The following ERBB4 variants were observed in gnomAD, a reference collection of about 807,000 sequenced individuals.
The protein encoded by ERBB4 is receptor tyrosine-protein kinase erbB-4.
ERBB4 carries 42 observed loss-of-function variants against 158.0 expected under a neutral mutation model. The observed-to-expected ratio is 0.27, with a 90% CI of 0.21 to 0.34. The LOEUF is 0.34. Ranked by LOEUF, ERBB4 falls within the 10% of genes least tolerant of loss-of-function variation. The pLI, the probability that ERBB4 is intolerant of heterozygous loss-of-function variation, is 1.00. For missense variants in ERBB4, 1,333 were observed against 1,624.1 expected (o/e 0.82, Z 3.08); for synonymous variants, 583 against 558.7 (o/e 1.04, Z -0.61).
chr2:211,489,170 T>C (rs1344332374), intron 20 of ERBB4, among the ~76,000 whole-genome samples: 2 of 152,100 alleles, frequency 1.3e-5, no homozygotes, highest in Admixed American at 1.3e-4. Context: ...AAATGATTTC[T>C]GAATAGGATT....
At chr2:212,428,923 A>C (rs2091969119) in intron 1 of ERBB4, among the ~76,000 whole-genome samples, 1 of 152,190 alleles carries the variant, frequency 6.6e-6, no homozygotes, top group Non-Finnish European at 1.5e-5. Flanking sequence ...GGGAGGGGTT[A>C]TGTGGAACCC....
chr2:212,492,353 A>T (rs1365017938), intron 1 of ERBB4, among the ~76,000 whole-genome samples: 1 of 151,452 alleles, frequency 6.6e-6, no homozygotes, highest in Non-Finnish European at 1.5e-5. Context: ...TATTGGAATT[A>T]AAAAATTATA....
At chr2:211,846,197 A>G (rs1163600390) in intron 3 of ERBB4, among the ~76,000 whole-genome samples, 1 of 152,262 alleles carries the variant, frequency 6.6e-6, no homozygotes, top group East Asian at 1.9e-4. Context: ...CTTTTCAACC[A>G]TCTTTAGGAA....
intron 1 of ERBB4, among the ~76,000 whole-genome samples, chr2:212,533,366 G>C (rs1240004481): frequency 6.6e-6 from 1 of 152,184 alleles, no homozygotes; most frequent in Non-Finnish European, 1.5e-5. Context: ...CAGAAATAGT[G>C]CATTATATGC....
intron 5 of ERBB4, among the ~76,000 whole-genome samples, chr2:211,737,618 C>T (rs1357394758): frequency 1.3e-5 from 2 of 152,160 alleles, no homozygotes; most frequent in African/African-American, 4.8e-5. Context: ...CTTAACCTCT[C>T]TGTGATTTAG....
intron 2 of ERBB4, among the ~76,000 whole-genome samples, chr2:211,972,250 GA>G (rs2081474899): frequency 1.3e-5 from 2 of 152,288 alleles, no homozygotes; most frequent in African/African-American, 4.8e-5. Flanking sequence ...AAAGAAGTCA[GA>G]GATGACACAA....
chr2:211,966,195 C>T (rs2081306795), intron 2 of ERBB4, among the ~76,000 whole-genome samples: 1 of 152,140 alleles, frequency 6.6e-6, no homozygotes, highest in Non-Finnish European at 1.5e-5. Flanking sequence ...GCTTGGGCAA[C>T]AGAGTGAGAC....
chr2:211,665,591 G>T, intron 14 of ERBB4, 114 bp from the exon 15 acceptor site: 1 of 934,188 alleles, frequency 1.1e-6, no homozygotes, highest in Non-Finnish European at 1.7e-6. Context: ...CTTCCTCTAA[G>T]AGAATTGGAG....
intron 20 of ERBB4, among the ~76,000 whole-genome samples, chr2:211,557,705 C>G (rs2067275185): frequency 6.6e-6 from 1 of 152,184 alleles, no homozygotes; most frequent in East Asian, 1.9e-4. Flanking sequence ...GGAAAGCAGT[C>G]TAGCAATTCC....
At chr2:211,566,305 A>C (rs1272028546) in intron 19 of ERBB4, among the ~76,000 whole-genome samples, 1 of 152,184 alleles carries the variant, frequency 6.6e-6, no homozygotes, top group Non-Finnish European at 1.5e-5. Context: ...GGGGATCAGA[A>C]CTGGTAAGAA....
chr2:211,738,361 G>GTTTTGTTTTTTTTTTTTTTTTTTTTTTTT (rs1559473744), intron 5 of ERBB4, among the ~76,000 whole-genome samples: 1 of 135,334 alleles, frequency 7.4e-6, no homozygotes. Context: ...CTTTGTTTTT[G>GTTTTGTTTTTTTTTTTTTTTTTTTTTTTT]TTTTTTTTTT....
At chr2:211,875,025 C>CA (rs746636278) in intron 3 of ERBB4, among the ~76,000 whole-genome samples, 802 of 26,876 alleles carry the variant, frequency 0.03, 7 homozygotes, top group Middle Eastern at 0.077. Context: ...AATAGAAATG[C>CA]AAAAAAAAAA....
intron 1 of ERBB4, among the ~76,000 whole-genome samples, chr2:212,531,998 A>C (rs1692780911): frequency 6.6e-6 from 1 of 152,220 alleles, no homozygotes; most frequent in African/African-American, 2.4e-5. Flanking sequence ...TTTAGAAAGA[A>C]CTACACAATA....
At chr2:212,090,420 G>C (rs2125491207) in intron 2 of ERBB4, among the ~76,000 whole-genome samples, 1 of 152,122 alleles carries the variant, frequency 6.6e-6, no homozygotes, top group South Asian at 2.1e-4. Context: ...TCTCCTTAGA[G>C]GAAAAACTGT....
intron 3 of ERBB4, among the ~76,000 whole-genome samples, chr2:211,854,810 G>C (rs927465698): frequency 1.3e-5 from 2 of 152,080 alleles, no homozygotes; most frequent in African/African-American, 4.8e-5. Context: ...AAGTGTGTGT[G>C]TGTGCATTTG....
At chr2:212,378,095 C>T (rs115229107) in intron 1 of ERBB4, among the ~76,000 whole-genome samples, 263 of 151,874 alleles carry the variant, frequency 1.7e-3, no homozygotes, top group Middle Eastern at 6.8e-3. Flanking sequence ...GGTAATAGCA[C>T]GCATGGTGTT....
intron 1 of ERBB4, among the ~76,000 whole-genome samples, chr2:212,446,475 G>A (rs556589509): frequency 3.4e-5 from 5 of 148,282 alleles, no homozygotes; most frequent in East Asian, 2.0e-4. Flanking sequence ...CGAACTCCAC[G>A]TTCTTCAGTT....
intron 20 of ERBB4, among the ~76,000 whole-genome samples, chr2:211,445,472 A>G (rs2064088158): frequency 6.6e-6 from 1 of 152,108 alleles, no homozygotes; most frequent in Non-Finnish European, 1.5e-5. Context: ...AATACCAGAA[A>G]AAGTGACCAA....
intron 16 of ERBB4, among the ~76,000 whole-genome samples, chr2:211,641,517 T>C (rs1474420242): frequency 6.6e-6 from 1 of 152,144 alleles, no homozygotes; most frequent in Non-Finnish European, 1.5e-5. Flanking sequence ...ATAGATCTCA[T>C]TGCTAATTCT....
Sources: gnomAD v4.1 joint callset for allele counts (sites outside exome capture counted in the v4.1 genomes callset) on GRCh38, gnomAD v4.1.1 for gene constraint, MANE v1.5 for transcripts, NCBI Gene and HGNC (gene_info 2026-07-23, HGNC 2026-07-21) for gene names.